Variants in CSRNP3 observed in about 807,000 individuals in gnomAD.
CSRNP3 encodes cysteine and serine rich nuclear protein 3, also known as cysteine/serine-rich nuclear protein 3.
CSRNP3 carries 12 observed loss-of-function variants against 48.0 expected under a neutral mutation model. The ratio of observed to expected loss-of-function variants is 0.25; its 90% CI spans 0.16 to 0.41. CSRNP3 has a LOEUF of 0.41. CSRNP3 is among the 10% of genes least tolerant of loss of function. The pLI is 1.00. For missense variants in CSRNP3, 580 were observed against 724.4 expected (o/e 0.80, Z 2.29); for synonymous variants, 263 against 269.7 (o/e 0.98, Z 0.24).
chr2:165,493,935 C>A (rs1277426587), intron 1 of CSRNP3, among the ~76,000 whole-genome samples: 2 of 152,070 alleles, frequency 1.3e-5, no homozygotes, highest in Non-Finnish European at 2.9e-5. Flanking sequence ...AACCCATGAT[C>A]ACCTTCACTG....
chr2:165,517,632 TA>T (rs906569081), intron 2 of CSRNP3, among the ~76,000 whole-genome samples: 1 of 151,964 alleles, frequency 6.6e-6, no homozygotes, highest in Non-Finnish European at 1.5e-5. Flanking sequence ...GAAAACCAGA[TA>T]AATAAATGAG....
At chr2:165,530,880 AATGTATAGT>A (rs1684801166) in intron 3 of CSRNP3, among the ~76,000 whole-genome samples, 1 of 152,082 alleles carries the variant, frequency 6.6e-6, no homozygotes, top group Admixed American at 6.5e-5. Flanking sequence ...AAAAGAAGAA[AATGTATAGT>A]ATGAGAGATT....
chr2:165,555,309 C>T (rs758767369), intron 3 of CSRNP3, among the ~76,000 whole-genome samples: 2 of 152,078 alleles, frequency 1.3e-5, no homozygotes, highest in South Asian at 4.1e-4. Flanking sequence ...TTTTGTGTGC[C>T]TAGAATAATA....
At chr2:165,496,187 A>G (rs1294325403) in intron 2 of CSRNP3, among the ~76,000 whole-genome samples, 1 of 152,036 alleles carries the variant, frequency 6.6e-6, no homozygotes, top group Non-Finnish European at 1.5e-5. Context: ...TGGAACTTTT[A>G]GAAAGTATTA....
intron 5 of CSRNP3, among the ~76,000 whole-genome samples, chr2:165,666,981 GAGGA>G (rs1687233636): frequency 2.5e-5 from 3 of 121,270 alleles, no homozygotes; most frequent in African/African-American, 5.8e-5. Flanking sequence ...GAAAGAGAGA[GAGGA>G]AGAAAGAAAG....
chr2:165,563,189 T>C (rs1685256039), intron 3 of CSRNP3, among the ~76,000 whole-genome samples: 1 of 152,174 alleles, frequency 6.6e-6, no homozygotes, highest in Admixed American at 6.6e-5. Context: ...TAAATATGGC[T>C]GAGAAGGACC....
intron 3 of CSRNP3, among the ~76,000 whole-genome samples, chr2:165,582,084 G>T (rs1228775412): frequency 6.6e-6 from 1 of 152,210 alleles, no homozygotes; most frequent in African/African-American, 2.4e-5. Context: ...AGACCAGGTG[G>T]TGTTAATGCA....
intron 4 of CSRNP3, among the ~76,000 whole-genome samples, chr2:165,611,335 T>A (rs540407287): frequency 6.7e-6 from 1 of 150,206 alleles, no homozygotes; most frequent in East Asian, 2.0e-4. Flanking sequence ...CAATTGTTAA[T>A]TAGCTAGATT....
chr2:165,676,818 A>G (rs926371776), intron 6 of CSRNP3, among the ~76,000 whole-genome samples: 2 of 152,246 alleles, frequency 1.3e-5, no homozygotes, highest in Non-Finnish European at 2.9e-5. Context: ...ATGCTTATAC[A>G]TATAACATAT....
intron 5 of CSRNP3, among the ~76,000 whole-genome samples, chr2:165,658,330 T>A (rs1026408199): frequency 6.6e-6 from 1 of 152,118 alleles, no homozygotes; most frequent in African/African-American, 2.4e-5. Context: ...TAGGAACTTA[T>A]AGAATAGTAG....
At chr2:165,562,457 C>T (rs561281829) in intron 3 of CSRNP3, among the ~76,000 whole-genome samples, 1 of 152,158 alleles carries the variant, frequency 6.6e-6, no homozygotes, top group Non-Finnish European at 1.5e-5. Flanking sequence ...ATCCAATTCT[C>T]ATAACCCTGT....
At chr2:165,562,227 G>C (rs189600696) in intron 3 of CSRNP3, among the ~76,000 whole-genome samples, 112 of 152,264 alleles carry the variant, frequency 7.4e-4, no homozygotes, top group African/African-American at 2.6e-3. Flanking sequence ...ACTGGTCTTG[G>C]ACAGACATGG....
intron 4 of CSRNP3, among the ~76,000 whole-genome samples, chr2:165,637,397 G>T (rs1686648544): frequency 6.6e-6 from 1 of 152,158 alleles, no homozygotes; most frequent in Non-Finnish European, 1.5e-5. Context: ...CAGATTAATT[G>T]TATACCTGGC....
At chr2:165,620,900 A>G (rs1686327333) in intron 4 of CSRNP3, among the ~76,000 whole-genome samples, 1 of 151,990 alleles carries the variant, frequency 6.6e-6, no homozygotes, top group Non-Finnish European at 1.5e-5. Context: ...CCTGAATTAC[A>G]TTTTTATCCT....
intron 2 of CSRNP3, among the ~76,000 whole-genome samples, chr2:165,509,261 A>G (rs566399113): frequency 1.6e-4 from 24 of 152,336 alleles, no homozygotes; most frequent in African/African-American, 5.8e-4. Flanking sequence ...AGATGTTTAT[A>G]TAAGGCCACT....
chr2:165,501,687 T>A (rs995348418), intron 2 of CSRNP3, among the ~76,000 whole-genome samples: 2 of 152,132 alleles, frequency 1.3e-5, no homozygotes, highest in African/African-American at 4.8e-5. Flanking sequence ...TGTTCATGAC[T>A]TTTTACTAAA....
chr2:165,498,237 A>G (rs906322721), intron 2 of CSRNP3, among the ~76,000 whole-genome samples: 8 of 152,084 alleles, frequency 5.3e-5, no homozygotes, highest in Non-Finnish European at 1.2e-4. Context: ...ATAACGTGAA[A>G]ATGTTACAAT....
chr2:165,673,549 T>C (rs1327942278), intron 5 of CSRNP3, among the ~76,000 whole-genome samples: 2 of 152,204 alleles, frequency 1.3e-5, no homozygotes, highest in Non-Finnish European at 2.9e-5. Flanking sequence ...TGGAGTAAAC[T>C]GAATCTGCAG....
intron 4 of CSRNP3, among the ~76,000 whole-genome samples, chr2:165,645,162 C>T (rs571894438): frequency 2.1e-4 from 32 of 152,044 alleles, no homozygotes; most frequent in African/African-American, 7.2e-4. Flanking sequence ...GGTGAAACCC[C>T]GTCAATACTA....
Sources: gnomAD v4.1 joint callset for allele counts (sites outside exome capture counted in the v4.1 genomes callset) on GRCh38, gnomAD v4.1.1 for gene constraint, MANE v1.5 for transcripts, NCBI Gene and HGNC (gene_info 2026-07-23, HGNC 2026-07-21) for gene names.